Variants in IFTAP observed in about 807,000 individuals in gnomAD.
IFTAP encodes the protein intraflagellar transport-associated protein.
Under a neutral mutation model 19.4 loss-of-function variants are expected in IFTAP, and 19 were observed. That is an observed-to-expected ratio of 0.98 (90% CI 0.68 to 1.44). The LOEUF (loss-of-function observed/expected upper bound fraction) is 1.44. Ranked by LOEUF, IFTAP falls within the 40% of genes most tolerant of loss-of-function variation. IFTAP has a pLI of 0.00. For synonymous variants in IFTAP, 85 were observed against 83.5 expected, an observed-to-expected ratio of 1.02 and a Z score of -0.10; for missense variants, 240 against 253.6, an observed-to-expected ratio of 0.95 and a Z score of 0.36.
intron 4 of IFTAP, among the ~76,000 whole-genome samples, chr11:36,639,537 G>A (rs114586164): frequency 0.017 from 2,586 of 152,288 alleles, 63 homozygotes; most frequent in African/African-American, 0.059. Flanking sequence ...TGGAGCCAGC[G>A]TGTGCTTCTG....
At chr11:36,655,893 A>G (rs1161921455) in intron 5 of IFTAP, among the ~76,000 whole-genome samples, 1 of 152,136 alleles carries the variant, frequency 6.6e-6, no homozygotes. Flanking sequence ...ACTTTATTCC[A>G]TGTTATTGTT....
At chr11:36,657,277 G>A (rs921898203) in intron 5 of IFTAP, among the ~76,000 whole-genome samples, 1 of 152,132 alleles carries the variant, frequency 6.6e-6, no homozygotes, top group Non-Finnish European at 1.5e-5. Context: ...TTCAGGAAAT[G>A]AACATCTTGT....
intron 5 of IFTAP, among the ~76,000 whole-genome samples, chr11:36,651,860 T>G (rs1336542917): frequency 2.0e-5 from 3 of 152,200 alleles, no homozygotes; most frequent in Admixed American, 2.0e-4. Context: ...ATGAGATGGT[T>G]GTAGATGTGT....
intron 1 of IFTAP, among the ~76,000 whole-genome samples, chr11:36,597,178 G>T (rs1851303793): frequency 6.6e-6 from 1 of 152,174 alleles, no homozygotes; most frequent in Non-Finnish European, 1.5e-5. Context: ...GTTTTCACAT[G>T]ATTTTGCCAC....
chr11:36,621,112 A>C (rs1368767355), intron 2 of IFTAP, among the ~76,000 whole-genome samples: 3 of 151,946 alleles, frequency 2.0e-5, no homozygotes, highest in Non-Finnish European at 4.4e-5. Context: ...CTTTAACTTG[A>C]GACATTATTT....
intron 2 of IFTAP, among the ~76,000 whole-genome samples, chr11:36,629,012 C>T (rs1230704924): frequency 2.0e-5 from 3 of 151,346 alleles, no homozygotes; most frequent in East Asian, 1.9e-4. Context: ...AAGCATTTGT[C>T]TGCCGAATTT....
intron 2 of IFTAP, among the ~76,000 whole-genome samples, chr11:36,616,818 A>G (rs1323318246): frequency 6.6e-6 from 1 of 151,912 alleles, no homozygotes; most frequent in African/African-American, 2.4e-5. Flanking sequence ...GGCCAGTGCT[A>G]CCCAGGAACA....
chr11:36,650,715 C>T (rs1259677961), intron 5 of IFTAP, among the ~76,000 whole-genome samples: 1 of 152,058 alleles, frequency 6.6e-6, no homozygotes, highest in Non-Finnish European at 1.5e-5. Flanking sequence ...CTTCCCCCAC[C>T]CCACAACAGG....
At chr11:36,642,546 C>T (rs370245623) in intron 4 of IFTAP, among the ~76,000 whole-genome samples, 50 of 152,160 alleles carry the variant, frequency 3.3e-4, no homozygotes, top group Admixed American at 7.2e-4. Flanking sequence ...CTGGCAGAGA[C>T]ACAACAAAAA....
chr11:36,631,738 C>T, intron 2 of IFTAP, among the ~76,000 whole-genome samples: 1 of 150,474 alleles, frequency 6.6e-6, no homozygotes, highest in East Asian at 1.9e-4. Flanking sequence ...TAGGATTCTC[C>T]AACCCAACAA....
chr11:36,650,214 A>C (rs1715961183), intron 5 of IFTAP, among the ~76,000 whole-genome samples: 1 of 152,116 alleles, frequency 6.6e-6, no homozygotes, highest in African/African-American at 2.4e-5. Flanking sequence ...CTGAAAGGCC[A>C]TTTTGGGATT....
At chr11:36,597,548 G>C (rs1047431196) in intron 1 of IFTAP, 1 of 152,160 alleles carries the variant, frequency 6.6e-6, no homozygotes, top group Non-Finnish European at 1.5e-5. Context: ...TATTCTCTCT[G>C]ATGCTAGGGC....
chr11:36,598,852 C>G (rs73455548), intron 1 of IFTAP, among the ~76,000 whole-genome samples: 14,410 of 152,046 alleles, frequency 0.095, 841 homozygotes, highest in African/African-American at 0.15. Context: ...TTCTCTGTCT[C>G]TGAAATGAGG....
intron 2 of IFTAP, among the ~76,000 whole-genome samples, chr11:36,618,883 C>T (rs993591534): frequency 2.0e-5 from 3 of 151,900 alleles, no homozygotes; most frequent in Non-Finnish European, 2.9e-5. Flanking sequence ...AGGAGAAGTA[C>T]GTTGCTGGAG....
At chr11:36,632,698 C>T (rs7937577) in intron 2 of IFTAP, among the ~76,000 whole-genome samples, 1 of 151,094 alleles carries the variant, frequency 6.6e-6, no homozygotes, top group African/African-American at 2.5e-5. Context: ...TAAAGGAGTT[C>T]TTGATAACTA....
chr11:36,604,928 T>A (rs1215249985), intron 1 of IFTAP, among the ~76,000 whole-genome samples: 2 of 151,542 alleles, frequency 1.3e-5, no homozygotes, highest in East Asian at 3.9e-4. Context: ...GACAAAAAAA[T>A]TAGAGGATGC....
At position 36,658,491 on chromosome 11, in the gene IFTAP, A is replaced by G. The variant is rs1254562844; in HGVS notation, c.499-528A>G. On this transcript the variant is annotated intron_variant, in intron 5 of 5. Coordinates refer to ENST00000334307, the MANE Select transcript of IFTAP (RefSeq NM_138787.4). The stretch of plus-strand genomic sequence containing the variant: ...GATCCTGGACTTTTAAATTTAAAAT[A>G]TGTTTCAAGTTTTACTGTTATTAGC... 2.6e-5 allele frequency among the ~76,000 whole-genome samples: 4 copies of G among 152,208 alleles called. No individual in the cohort carries two copies. In the East Asian group the frequency reaches 5.8e-4, roughly 22 times the overall value.
chr11:36,618,368 C>T (rs1852171723), intron 2 of IFTAP, among the ~76,000 whole-genome samples: 1 of 152,130 alleles, frequency 6.6e-6, no homozygotes, highest in South Asian at 2.1e-4. Context: ...TCGGGCAGTT[C>T]TTCTCAAGAC....
chr11:36,659,062 T>C lies in IFTAP; in HGVS notation c.542T>C (p.Phe181Ser), dbSNP rs1470076685. The C allele has an allele frequency of 6.2e-7, 1 of 1,604,726 alleles. No homozygotes were observed. The highest frequency in any genetic ancestry group is 2.2e-5 in the East Asian group (1 of 44,522). The change falls in exon 6 of 6, where the codon TTT becomes TCT. Residue 181 changes from phenylalanine (F) to serine (S), a missense_variant. Phe to Ser is a radical substitution (Grantham distance 155). Transcript: ENST00000334307. ...CAACTTTTTTCACTTGATGAAGAATTTGATTATGACAATGTGATGCTAACC... is the reference window on the plus strand; with the variant it reads ...CAACTTTTTTCACTTGATGAAGAATCTGATTATGACAATGTGATGCTAACC... ...EVQLFSLDEE[F>S]DYDNVMLTSK...
Sources: gnomAD v4.1 joint callset for allele counts (sites outside exome capture counted in the v4.1 genomes callset) on GRCh38, gnomAD v4.1.1 for gene constraint, MANE v1.5 for transcripts, NCBI Gene and HGNC (gene_info 2026-07-23, HGNC 2026-07-21) for gene names.